The following CALCRL variants were observed in gnomAD, a reference collection of about 807,000 sequenced individuals.
CALCRL encodes calcitonin gene-related peptide type 1 receptor.
CALCRL carries 27 observed loss-of-function variants against 60.4 expected under a neutral mutation model. That is an observed-to-expected ratio of 0.45 (90% CI 0.33 to 0.62). The LOEUF (loss-of-function observed/expected upper bound fraction) is 0.62, where lower values mean the gene tolerates loss of function less well. Ranked by LOEUF, CALCRL falls within the 20% of genes least tolerant of loss-of-function variation. The pLI, the probability that CALCRL is intolerant of heterozygous loss-of-function variation, is 0.03. For missense variants in CALCRL, 424 were observed against 540.7 expected, an observed-to-expected ratio of 0.78 and a Z score of 2.14; for synonymous variants, 190 against 182.6, an observed-to-expected ratio of 1.04 and a Z score of -0.33.
At chr2:187,371,066 C>T (rs1006706344) in intron 8 of CALCRL, among the ~76,000 whole-genome samples, 1 of 151,978 alleles carries the variant, frequency 6.6e-6, no homozygotes, top group Non-Finnish European at 1.5e-5. Flanking sequence ...CACGGTGAAA[C>T]CCCGTCTCTA....
Position 187,344,357 on chromosome 2 carries a change from C to T in CALCRL, c.*1827G>A, listed in dbSNP as rs986178670. On this transcript the variant is annotated 3_prime_UTR_variant, in exon 15 of 15. Transcript: ENST00000392370. ...TTAGCAATTTGAAATAAGTTCTGAA[C>T]TCACCATCTATTGACATATTGACAG... 1 of 151,592 alleles carries T rather than the reference C, an allele frequency of 6.6e-6. No homozygotes were observed. Among genetic ancestry groups the T allele is most frequent in the African/African-American group, 2.4e-5 (1 of 41,366 alleles). 9.4% of individuals were successfully genotyped at this position (151,592 alleles called of 1,614,324 possible).
intron 8 of CALCRL, among the ~76,000 whole-genome samples, chr2:187,372,674 A>G (rs1687584474): frequency 1.3e-5 from 2 of 152,172 alleles, no homozygotes; most frequent in African/African-American, 4.8e-5. Flanking sequence ...CAATTACCAA[A>G]GAAGAGGAAA....
chr2:187,384,024 T>G (rs1398351534), intron 4 of CALCRL, among the ~76,000 whole-genome samples: 1 of 152,190 alleles, frequency 6.6e-6, no homozygotes, highest in Non-Finnish European at 1.5e-5. Context: ...TTAGCAGTAA[T>G]TGTTGCATAA....
intron 1 of CALCRL, among the ~76,000 whole-genome samples, chr2:187,398,697 C>T (rs150203134): frequency 6.6e-6 from 1 of 151,726 alleles, no homozygotes; most frequent in East Asian, 1.9e-4. Flanking sequence ...ACCAACACCA[C>T]TGGAATTCTC....
At chr2:187,385,731 A>C in intron 3 of CALCRL, 100 bp from the exon 4 acceptor site, 1 of 665,970 alleles carries the variant, frequency 1.5e-6, no homozygotes, top group Non-Finnish European at 2.5e-6. Context: ...ACAATAATTC[A>C]ATAATTTTAC....
At chr2:187,434,008 C>T (rs1284310853) in intron 1 of CALCRL, among the ~76,000 whole-genome samples, 3 of 150,728 alleles carry the variant, frequency 2.0e-5, no homozygotes, top group Non-Finnish European at 3.0e-5. Flanking sequence ...AATGTGCAAC[C>T]AATTTTTAAA....
intron 1 of CALCRL, among the ~76,000 whole-genome samples, chr2:187,400,356 T>G (rs1429479522): frequency 6.6e-6 from 1 of 151,290 alleles, no homozygotes; most frequent in African/African-American, 2.4e-5. Flanking sequence ...CCCACTAGGA[T>G]AGATATAATA....
chr2:187,373,076 G>A (rs1687601369), intron 8 of CALCRL, among the ~76,000 whole-genome samples: 1 of 152,060 alleles, frequency 6.6e-6, no homozygotes, highest in African/African-American at 2.4e-5. Context: ...TCACAAATAA[G>A]GCATGGGCAA....
intron 8 of CALCRL, among the ~76,000 whole-genome samples, chr2:187,374,639 T>C (rs989610166): frequency 1.3e-5 from 2 of 152,144 alleles, no homozygotes; most frequent in African/African-American, 4.8e-5. Flanking sequence ...AGAATAGCAC[T>C]CATTTTTTTG....
chr2:187,432,088 G>C (rs1050330156), intron 1 of CALCRL, among the ~76,000 whole-genome samples: 2 of 152,118 alleles, frequency 1.3e-5, no homozygotes, highest in Non-Finnish European at 2.9e-5. Flanking sequence ...TGAGGGCAAA[G>C]AGCATTCAAG....
chr2:187,447,803 T>C (rs1166569578), intron 1 of CALCRL, among the ~76,000 whole-genome samples: 1 of 152,234 alleles, frequency 6.6e-6, no homozygotes, highest in East Asian at 1.9e-4. Context: ...ATTTAGATTT[T>C]TAATACTTGC....
chr2:187,426,448 T>TA (rs1171256957), intron 1 of CALCRL, among the ~76,000 whole-genome samples: 1 of 151,992 alleles, frequency 6.6e-6, no homozygotes, highest in Non-Finnish European at 1.5e-5. Context: ...ACAACTTTTA[T>TA]AAAAAATAAT....
At chr2:187,444,451 C>A (rs1409879996) in intron 1 of CALCRL, among the ~76,000 whole-genome samples, 1 of 151,322 alleles carries the variant, frequency 6.6e-6, no homozygotes, top group Non-Finnish European at 1.5e-5. Context: ...TTAATTTAAA[C>A]CATGAAAACA....
intron 1 of CALCRL, among the ~76,000 whole-genome samples, chr2:187,440,769 A>C (rs1690868726): frequency 6.6e-6 from 1 of 152,114 alleles, no homozygotes; most frequent in Admixed American, 6.6e-5. Flanking sequence ...ATTAAATATA[A>C]ACATATATTA....
intron 1 of CALCRL, among the ~76,000 whole-genome samples, chr2:187,430,410 C>T (rs1288724507): frequency 6.6e-6 from 1 of 152,016 alleles, no homozygotes; most frequent in African/African-American, 2.4e-5. Context: ...CCATTTATTA[C>T]GATGATACAT....
At chr2:187,374,049 C>G (rs892495327) in intron 8 of CALCRL, among the ~76,000 whole-genome samples, 2 of 151,972 alleles carry the variant, frequency 1.3e-5, no homozygotes, top group African/African-American at 4.8e-5. Context: ...TGCCTGTAGT[C>G]CTTGCTACTT....
At chr2:187,401,418 T>C (rs1403964166) in intron 1 of CALCRL, among the ~76,000 whole-genome samples, 1 of 151,696 alleles carries the variant, frequency 6.6e-6, no homozygotes, top group East Asian at 1.9e-4. Flanking sequence ...AACAAATTAA[T>C]TCTATTTTAT....
intron 1 of CALCRL, among the ~76,000 whole-genome samples, chr2:187,427,061 C>G (rs1352729927): frequency 6.6e-6 from 1 of 152,088 alleles, no homozygotes; most frequent in Non-Finnish European, 1.5e-5. Context: ...CAAAAATGCT[C>G]TCTAGTAAGA....
intron 4 of CALCRL, among the ~76,000 whole-genome samples, chr2:187,383,956 C>T (rs1414451139): frequency 1.3e-5 from 2 of 151,642 alleles, no homozygotes; most frequent in Non-Finnish European, 1.5e-5. Context: ...TTAGTTTCCA[C>T]GTGACTTTTT....
Sources: allele counts gnomAD v4.1 joint callset (sites outside exome capture counted in the v4.1 genomes callset), GRCh38; gene constraint gnomAD v4.1.1; transcripts MANE v1.5; gene names NCBI Gene and HGNC (gene_info 2026-07-23, HGNC 2026-07-21).